Variants in CSF2RA observed in about 807,000 individuals in gnomAD.
The protein encoded by CSF2RA is granulocyte-macrophage colony-stimulating factor receptor subunit alpha.
Under a neutral mutation model 51.6 loss-of-function variants are expected in CSF2RA, and 42 were observed. That is an observed-to-expected ratio of 0.81 (90% CI 0.64 to 1.05). The LOEUF (loss-of-function observed/expected upper bound fraction) is 1.05. Among genes scored for constraint, CSF2RA ranks in the 50% least tolerant of loss-of-function variants. The pLI is 0.00. For missense variants in CSF2RA, 530 were observed against 501.1 expected (o/e 1.06, Z -0.55); for synonymous variants, 222 against 193.0 (o/e 1.15, Z -1.24).
Position 1,290,477 on chromosome X carries a change from T to G in CSF2RA, c.614T>G (p.Phe205Cys). ...ACCAGCCGAGAAATTGGCATCCAAT[T>G]CTTTGATTCACTTTTGGACACAAAG... The part of the protein sequence containing the change: ...NGTSREIGIQ[F>C]FDSLLDTKKI... Residue 205 changes from phenylalanine (F) to cysteine (C), a missense_variant, in exon 7 of 13, where the codon TTC becomes TGC. Transcript: ENST00000381529. 2.5e-6 allele frequency: 4 copies of G among 1,613,922 alleles called. No individual in the cohort carries two copies. Among genetic ancestry groups the G allele is most frequent in the Non-Finnish European group, 3.4e-6 (4 of 1,179,846 alleles).
At chrX:1,286,492 T>C (rs1336731064) in intron 4 of CSF2RA, among the ~76,000 whole-genome samples, 1 of 142,622 alleles carries the variant, frequency 7.0e-6, no homozygotes, top group South Asian at 2.2e-4. Context: ...TTACTGAAAC[T>C]CGGGAGGCGG....
At chrX:1,301,164 GAAAAAA>G (rs367840456) in intron 10 of CSF2RA, among the ~76,000 whole-genome samples, 1 of 112,774 alleles carries the variant, frequency 8.9e-6, no homozygotes, top group African/African-American at 3.5e-5. Flanking sequence ...AAAAAAAAAA[GAAAAAA>G]AAATACAAAA....
intron 10 of CSF2RA, among the ~76,000 whole-genome samples, chrX:1,302,569 A>T (rs2083101238): frequency 6.6e-6 from 1 of 152,190 alleles, no homozygotes; most frequent in East Asian, 1.9e-4. Context: ...CAATGGCACG[A>T]TCTCAGCTCA....
chrX:1,322,439 G>GTTTTTTTTTTT, the CSF2RA span, among the ~76,000 whole-genome samples: 2 of 120,702 alleles, frequency 1.7e-5, no homozygotes, highest in African/African-American at 3.1e-5. Context: ...GTGTGTGTTT[G>GTTTTTTTTTTT]TTTTTTTTTT....
chrX:1,291,231 A>C, intron 7 of CSF2RA, among the ~76,000 whole-genome samples: 13 of 137,934 alleles, frequency 9.4e-5, no homozygotes, highest in East Asian at 4.4e-4. Flanking sequence ...CTCCCTCTTT[A>C]CCTCCTTCCT....
At chrX:1,280,611 C>CTCCTCCTCCTTCTCTTCT (rs1184814426) in intron 2 of CSF2RA, among the ~76,000 whole-genome samples, 4 of 151,540 alleles carry the variant, frequency 2.6e-5, no homozygotes, top group Admixed American at 6.6e-5. Flanking sequence ...GAGTTTGTAG[C>CTCCTCCTCCTTCTCTTCT]TCCTCCTCCT....
intron 12 of CSF2RA, among the ~76,000 whole-genome samples, chrX:1,307,386 AT>A (rs2083691257): frequency 9.8e-6 from 1 of 102,040 alleles, no homozygotes; most frequent in African/African-American, 3.8e-5. Context: ...GAGGCCCACC[AT>A]TCCCCTTTAG....
Position 1,294,938 on chromosome X carries a change from A to G in CSF2RA, c.780+477A>G, listed in dbSNP as rs1246235256. On this transcript the variant is annotated intron_variant, in intron 8 of 12. Coordinates refer to ENST00000381529, the MANE Select transcript of CSF2RA (RefSeq NM_172245.4). ...CAGGAGGAGTTCTTGTCCCACAACTACCTGGACCCAGTGTAGACAGGGAGA... is the reference window on the plus strand; with the variant it reads ...CAGGAGGAGTTCTTGTCCCACAACTGCCTGGACCCAGTGTAGACAGGGAGA... Among the ~76,000 whole-genome samples the G allele has an allele frequency of 2.0e-3, 303 of 152,326 alleles. 2 individuals carry two copies. Among genetic ancestry groups the G allele is most frequent in the African/African-American group, 7.1e-3 (294 of 41,570 alleles).
chrX:1,299,063 C>T (rs1369209288), intron 9 of CSF2RA, among the ~76,000 whole-genome samples: 2 of 152,136 alleles, frequency 1.3e-5, no homozygotes, highest in South Asian at 2.1e-4. Flanking sequence ...AGATCTCACA[C>T]GGGTGAGGGC....
intron 2 of CSF2RA, among the ~76,000 whole-genome samples, chrX:1,279,231 G>A (rs1215680228): frequency 3.3e-5 from 5 of 150,510 alleles, no homozygotes; most frequent in South Asian, 2.1e-4. Context: ...CGTGCCTGTA[G>A]TCCCAGCTAC....
the CSF2RA span, among the ~76,000 whole-genome samples, chrX:1,316,097 A>G: frequency 6.6e-6 from 1 of 151,840 alleles, no homozygotes; most frequent in African/African-American, 2.4e-5. Context: ...AAATGGATAG[A>G]TAGACACATA....
At chrX:1,270,049 C>T (rs1317447331) in intron 1 of CSF2RA, among the ~76,000 whole-genome samples, 1 of 151,904 alleles carries the variant, frequency 6.6e-6, no homozygotes, top group Non-Finnish European at 1.5e-5. Flanking sequence ...GCGGAGGTTG[C>T]AGTGAGCCCA....
At chrX:1,280,678 C>CCTTCTTCTTCTCTTCGTT (rs2089798159) in intron 2 of CSF2RA, among the ~76,000 whole-genome samples, 1 of 147,218 alleles carries the variant, frequency 6.8e-6, no homozygotes, top group Non-Finnish European at 1.5e-5. Context: ...TCCTCCTCCT[C>CCTTCTTCTTCTCTTCGTT]CTTCTTCTTC....
intron 1 of CSF2RA, among the ~76,000 whole-genome samples, chrX:1,273,844 C>T (rs1192265114): frequency 6.6e-6 from 1 of 151,566 alleles, no homozygotes; most frequent in African/African-American, 2.4e-5. Flanking sequence ...ATGATCTGCC[C>T]GCCTCGGCCT....
chrX:1,293,702 C>G (rs2091626627), intron 7 of CSF2RA, among the ~76,000 whole-genome samples: 2 of 151,306 alleles, frequency 1.3e-5, no homozygotes, highest in Admixed American at 6.6e-5. Context: ...GAGACCCTGC[C>G]CCATCTCCAC....
chrX:1,278,061 C>T, intron 2 of CSF2RA, among the ~76,000 whole-genome samples: 1 of 150,440 alleles, frequency 6.6e-6, no homozygotes, highest in East Asian at 2.0e-4. Flanking sequence ...AGGCCAGGCG[C>T]AGTGGCTCAT....
At chrX:1,289,131 C>G (rs2091091091) in intron 6 of CSF2RA, 1 of 557,860 alleles carries the variant, frequency 1.8e-6, no homozygotes. Flanking sequence ...CAGGCCACAT[C>G]TATGTATTTA....
At chrX:1,322,193 C>G in the CSF2RA span, among the ~76,000 whole-genome samples, 1 of 151,838 alleles carries the variant, frequency 6.6e-6, no homozygotes, top group Non-Finnish European at 1.5e-5. Flanking sequence ...GCAACCTCCA[C>G]CTCCCAGGTT....
chrX:1,296,632 C>T (rs1230106603), intron 9 of CSF2RA, among the ~76,000 whole-genome samples: 16 of 40,472 alleles, frequency 4.0e-4, no homozygotes, highest in African/African-American at 1.3e-3. Flanking sequence ...TGACCCCTGG[C>T]GGAACCCTAC....
Sources: allele counts gnomAD v4.1 joint callset (sites outside exome capture counted in the v4.1 genomes callset), GRCh38; gene constraint gnomAD v4.1.1; transcripts MANE v1.5; gene names NCBI Gene and HGNC (gene_info 2026-07-23, HGNC 2026-07-21).